Variants in SLC9C1 observed in about 807,000 individuals in gnomAD.
SLC9C1 encodes the protein solute carrier family 9 member C1, also known as sodium/hydrogen exchanger 10.
In SLC9C1, 97 loss-of-function variants were observed where a neutral mutation model predicts 140.9. That is an observed-to-expected ratio of 0.69 (90% CI 0.58 to 0.82). SLC9C1 has a LOEUF of 0.82. SLC9C1 is among the 40% of genes least tolerant of loss of function. The pLI is 0.00. For synonymous variants in SLC9C1, 440 were observed against 442.6 expected (o/e 0.99, Z 0.07); for missense variants, 1,340 against 1,389.3 (o/e 0.96, Z 0.56).
chr3:112,199,291 T>G (rs952806383), intron 20 of SLC9C1, 30 bp downstream of exon 20: 1 of 1,504,988 alleles, frequency 6.6e-7, no homozygotes, highest in African/African-American at 1.4e-5. Flanking sequence ...ATCAAGTAAA[T>G]ATACTTGCTT....
intron 15 of SLC9C1, among the ~76,000 whole-genome samples, chr3:112,209,631 AC>A (rs935339793): frequency 1.8e-4 from 28 of 152,098 alleles, no homozygotes; most frequent in Admixed American, 2.6e-4. Context: ...GAGCTAATAA[AC>A]AAAATAGCAA....
chr3:112,144,554 C>G (rs1206390789), intron 28 of SLC9C1, among the ~76,000 whole-genome samples: 2 of 152,018 alleles, frequency 1.3e-5, no homozygotes, highest in Non-Finnish European at 2.9e-5. Context: ...GCCATTTTAA[C>G]AATATTGATT....
At chr3:112,168,437 A>G (rs574412282) in intron 25 of SLC9C1, among the ~76,000 whole-genome samples, 7 of 152,236 alleles carry the variant, frequency 4.6e-5, no homozygotes, top group African/African-American at 1.7e-4. Context: ...AGCAATTTAA[A>G]TATGAGAAGA....
intron 2 of SLC9C1, among the ~76,000 whole-genome samples, chr3:112,286,269 A>C (rs2080504994): frequency 6.6e-6 from 1 of 152,202 alleles, no homozygotes; most frequent in Non-Finnish European, 1.5e-5. Context: ...TCTTTGTAAT[A>C]CAGTCCCTAA....
chr3:112,276,520 A>G (rs2080219014), intron 5 of SLC9C1, among the ~76,000 whole-genome samples: 1 of 152,112 alleles, frequency 6.6e-6, no homozygotes, highest in African/African-American at 2.4e-5. Context: ...TCTTCTGGAA[A>G]GATACAGGGA....
chr3:112,167,654 T>G (rs532090548), intron 25 of SLC9C1, among the ~76,000 whole-genome samples: 2 of 152,008 alleles, frequency 1.3e-5, no homozygotes, highest in South Asian at 4.2e-4. Context: ...AGAAAGAAAG[T>G]TTAATGAAAA....
chr3:112,264,077 T>G, intron 9 of SLC9C1, 123 bp downstream of exon 9: 1 of 460,016 alleles, frequency 2.2e-6, no homozygotes, highest in Non-Finnish European at 3.3e-6. Context: ...TATTTGCTGA[T>G]GATCCTTGGA....
intron 20 of SLC9C1, among the ~76,000 whole-genome samples, 171 bp downstream of exon 20, chr3:112,199,150 G>C (rs1185755973): frequency 6.6e-6 from 1 of 151,298 alleles, no homozygotes; most frequent in Non-Finnish European, 1.5e-5. Flanking sequence ...CTGACCACCT[G>C]GGCTGCAGGA....
chr3:112,177,920 A>T (rs910273135), intron 23 of SLC9C1, among the ~76,000 whole-genome samples: 2 of 151,236 alleles, frequency 1.3e-5, no homozygotes, highest in African/African-American at 4.8e-5. Flanking sequence ...TATTTTAATG[A>T]TAGAGATATT....
Position 112,169,124 on chromosome 3 carries a change from A to G in SLC9C1, c.3052-62T>C, listed in dbSNP as rs1457638464. 9.5e-6 allele frequency: 15 copies of G among 1,575,580 alleles called. No individual in the cohort carries two copies. In the South Asian group the frequency reaches 1.8e-4, roughly 19 times the overall value. On this transcript the variant is annotated intron_variant, in intron 24 of 28. Transcript: ENST00000305815. ...CTATGAAGTTCAGTATATATTCATA[A>G]ATAGTCAATTATAATGTTTTAATGC...
chr3:112,185,524 G>T, intron 20 of SLC9C1: 11 of 1,612,888 alleles, frequency 6.8e-6, no homozygotes, highest in Non-Finnish European at 9.3e-6. Flanking sequence ...ACAAAGACTT[G>T]CACAGGGGCC....
chr3:112,272,598 GT>G, intron 6 of SLC9C1, among the ~76,000 whole-genome samples: 1 of 152,250 alleles, frequency 6.6e-6, no homozygotes, highest in Non-Finnish European at 1.5e-5. Context: ...AGGTGTTGAA[GT>G]TCAGAGAAAG....
intron 20 of SLC9C1, chr3:112,186,021 T>C (rs1374487177): frequency 7.0e-7 from 1 of 1,435,032 alleles, no homozygotes; most frequent in Non-Finnish European, 9.2e-7. Flanking sequence ...TTTTCTTATG[T>C]GTATTAGCCA....
At chr3:112,166,317 G>A (rs887295265) in intron 26 of SLC9C1, among the ~76,000 whole-genome samples, 12 of 152,194 alleles carry the variant, frequency 7.9e-5, no homozygotes, top group Non-Finnish European at 1.6e-4. Context: ...GATGAACCCG[G>A]TACCTCAGTT....
intron 11 of SLC9C1, 67 bp downstream of exon 11, chr3:112,243,928 A>T (rs1470992329): frequency 9.0e-7 from 1 of 1,109,620 alleles, no homozygotes; most frequent in Non-Finnish European, 1.3e-6. Context: ...TTTCTTTATT[A>T]TTAGCACTTC....
chr3:112,207,104 A>T (rs2078074753), intron 16 of SLC9C1, among the ~76,000 whole-genome samples: 2 of 152,196 alleles, frequency 1.3e-5, no homozygotes, highest in African/African-American at 2.4e-5. Context: ...ATTCGAAGGG[A>T]GAAAATAGTC....
At chr3:112,221,318 A>C in intron 13 of SLC9C1, 93 bp from the exon 14 acceptor site, 1 of 1,014,440 alleles carries the variant, frequency 9.9e-7, no homozygotes, top group Non-Finnish European at 1.5e-6. Flanking sequence ...TAAAGAAGTA[A>C]AAACAATCAA....
Position 112,204,383 on chromosome 3 carries a change from G to C in SLC9C1, c.2007C>G (p.Asp669Glu), listed in dbSNP as rs2077987796. 2 of 1,569,924 alleles carry C rather than the reference G, an allele frequency of 1.3e-6. No individual in the cohort carries two copies. Among genetic ancestry groups the C allele is most frequent in the Non-Finnish European group, 1.7e-6 (2 of 1,165,344 alleles). Reference sequence around the variant, plus strand: ...ATATGTTCCAGGCATGTGAAAAAAAGTCCTTCCTCATTGCTGCTATCTGTT... The same window carrying C: ...ATATGTTCCAGGCATGTGAAAAAAACTCCTTCCTCATTGCTGCTATCTGTT... Reference protein sequence around the residue: ...ALLKIAAMRKDFFSHAWNIFE... With the variant: ...ALLKIAAMRKEFFSHAWNIFE... The change falls in exon 17 of 29, where the codon GAC (aspartate) becomes GAG (glutamate). Residue 669 changes from aspartate to glutamate, a missense_variant. Physicochemically the swap from Asp to Glu is conservative, Grantham distance 45. Transcript: ENST00000305815.
chr3:112,231,603 G>T, intron 12 of SLC9C1, 117 bp from the exon 13 acceptor site: 1 of 970,436 alleles, frequency 1.0e-6, no homozygotes, highest in Non-Finnish European at 1.5e-6. Flanking sequence ...AAATCTGGTA[G>T]ATAAGAAAAA....
Sources: gnomAD v4.1 joint callset for allele counts (sites outside exome capture counted in the v4.1 genomes callset) on GRCh38, gnomAD v4.1.1 for gene constraint, MANE v1.5 for transcripts, NCBI Gene and HGNC (gene_info 2026-07-23, HGNC 2026-07-21) for gene names.